Variants in DCDC2 observed in about 807,000 individuals in gnomAD.
DCDC2 encodes doublecortin domain containing 2.
A neutral mutation model predicts 50.2 loss-of-function variants in DCDC2; 40 were observed. That is an observed-to-expected ratio of 0.80 (90% CI 0.62 to 1.04). The LOEUF is 1.04. Among genes scored for constraint, DCDC2 ranks in the 50% least tolerant of loss-of-function variants. DCDC2 has a pLI of 0.00. For synonymous variants in DCDC2, 234 were observed against 210.6 expected (o/e 1.11, Z -0.96); for missense variants, 570 against 581.9 (o/e 0.98, Z 0.21).
chr6:24,299,934 A>G (rs1759335894), intron 4 of DCDC2, among the ~76,000 whole-genome samples: 1 of 152,034 alleles, frequency 6.6e-6, no homozygotes, highest in South Asian at 2.1e-4. Flanking sequence ...AAAAATAAAA[A>G]TAAAAATAAA....
At chr6:24,297,011 A>G (rs1004770305) in intron 4 of DCDC2, among the ~76,000 whole-genome samples, 1 of 152,222 alleles carries the variant, frequency 6.6e-6, no homozygotes, top group Non-Finnish European at 1.5e-5. Context: ...ACCCATGCAC[A>G]CATATGTTCA....
At chr6:24,214,191 A>G (rs990880786) in intron 7 of DCDC2, among the ~76,000 whole-genome samples, 2 of 152,220 alleles carry the variant, frequency 1.3e-5, no homozygotes, top group African/African-American at 2.4e-5. Context: ...ATTTCAGGGT[A>G]TTAAATCTCA....
intron 7 of DCDC2, among the ~76,000 whole-genome samples, chr6:24,220,808 C>T (rs527447357): frequency 1.4e-4 from 11 of 77,876 alleles, no homozygotes; most frequent in Middle Eastern, 7.1e-3. Flanking sequence ...CTTACAATCA[C>T]GGCAGAAAGC....
rs776334137 is a variant in DCDC2 at position 24,173,182 on chromosome 6, A to G, written c.*1548T>C. The G allele has an allele frequency of 1.3e-5, 2 of 151,938 alleles. No individual in the cohort carries two copies. The highest frequency in any genetic ancestry group is 2.9e-5 in the Non-Finnish European group (2 of 67,982). 9.4% of individuals were successfully genotyped at this position (151,938 alleles called of 1,614,324 possible). A position where few individuals can be genotyped will look rare whatever the true frequency, so the allele number is the denominator to read the frequency against. ...TTCTAATTCATGCTCCCAGATCACT[A>G]TATCCTTGTGTCATTATCTCTTCCA... On this transcript the variant is annotated 3_prime_UTR_variant, in exon 10 of 10. Coordinates refer to ENST00000378454, the MANE Select transcript of DCDC2 (RefSeq NM_016356.5).
At chr6:24,193,177 A>G (rs1190250001) in intron 8 of DCDC2, among the ~76,000 whole-genome samples, 1 of 152,124 alleles carries the variant, frequency 6.6e-6, no homozygotes, top group Non-Finnish European at 1.5e-5. Context: ...AAAAAAAAAG[A>G]TATTTTCAGA....
chr6:24,219,294 A>G (rs1210143194), intron 7 of DCDC2, among the ~76,000 whole-genome samples: 1 of 152,210 alleles, frequency 6.6e-6, no homozygotes, highest in Non-Finnish European at 1.5e-5. Flanking sequence ...CTTAGAGGAT[A>G]TTTATTGTAT....
chr6:24,280,488 TCA>T, intron 6 of DCDC2, among the ~76,000 whole-genome samples: 1 of 152,174 alleles, frequency 6.6e-6, no homozygotes, highest in East Asian at 1.9e-4. Context: ...CAGCCAAGTC[TCA>T]TAGTCCCTTT....
At chr6:24,359,034 TTA>T (rs1366173837), upstream of DCDC2, among the ~76,000 whole-genome samples, 3 of 24,318 alleles carry the variant, frequency 1.2e-4, no homozygotes, top group Admixed American at 1.7e-3. Context: ...ATTTTATATT[TTA>T]TATATATTAT....
At chr6:24,265,760 G>A (rs978422767) in intron 7 of DCDC2, among the ~76,000 whole-genome samples, 2 of 151,594 alleles carry the variant, frequency 1.3e-5, no homozygotes, top group African/African-American at 4.8e-5. Flanking sequence ...AGCGAAGGCA[G>A]TACTAAGAGG....
intron 7 of DCDC2, among the ~76,000 whole-genome samples, chr6:24,229,424 A>C (rs1414480166): frequency 6.6e-6 from 1 of 152,156 alleles, no homozygotes; most frequent in African/African-American, 2.4e-5. Flanking sequence ...CACCACAGTA[A>C]TTCAGGATCA....
At chr6:24,277,863 A>G (rs1323053356) in intron 7 of DCDC2, among the ~76,000 whole-genome samples, 186 bp downstream of exon 7, 1 of 152,222 alleles carries the variant, frequency 6.6e-6, no homozygotes. Flanking sequence ...TCCTCATGGC[A>G]CAACATCTAA....
intron 2 of DCDC2, among the ~76,000 whole-genome samples, chr6:24,326,367 C>T (rs1049655870): frequency 6.7e-6 from 1 of 148,660 alleles, no homozygotes; most frequent in Non-Finnish European, 1.5e-5. Context: ...CCCCCCATGC[C>T]CTAGAGCTCC....
intron 7 of DCDC2, among the ~76,000 whole-genome samples, chr6:24,259,057 T>C (rs1186595035): frequency 1.3e-5 from 2 of 152,070 alleles, no homozygotes; most frequent in Non-Finnish European, 2.9e-5. Context: ...TGAACTCCTC[T>C]CCTCTTCCCC....
chr6:24,373,777 C>T, the DCDC2 span, among the ~76,000 whole-genome samples: 467 of 152,126 alleles, frequency 3.1e-3, no homozygotes, highest in African/African-American at 0.011. Flanking sequence ...ATTCCTGTTA[C>T]GTATTATTTA....
the DCDC2 span, among the ~76,000 whole-genome samples, chr6:24,381,460 T>C: frequency 7.4e-4 from 112 of 152,262 alleles, no homozygotes; most frequent in Non-Finnish European, 1.3e-3. Flanking sequence ...GAGACAGAGA[T>C]TGGTTTTTTA....
chr6:24,365,048 T>G, the DCDC2 span, among the ~76,000 whole-genome samples: 1,011 of 152,276 alleles, frequency 6.6e-3, 7 homozygotes, highest in Non-Finnish European at 0.011. Context: ...ACGGTGACTC[T>G]CTGACAAGCC....
intron 2 of DCDC2, among the ~76,000 whole-genome samples, chr6:24,337,934 A>T (rs1760088253): frequency 6.6e-6 from 1 of 152,206 alleles, no homozygotes; most frequent in Admixed American, 6.5e-5. Flanking sequence ...AAAAAATTTT[A>T]AAACCCTTCA....
At position 24,220,895 on chromosome 6, in the gene DCDC2, C is replaced by CGAGCGAGCGAGAGAGT. The variant is rs1297113195; in HGVS notation, c.923-15809_923-15794dup. 1.7e-3 allele frequency among the ~76,000 whole-genome samples: 197 copies of CGAGCGAGCGAGAGAGT among 117,208 alleles called. 6 individuals carry two copies. In the East Asian group the frequency reaches 0.037, roughly 22 times the overall value. 76.9% of individuals were successfully genotyped at this position (117,208 alleles called of 152,430 possible). ...AAGAGAGCGAGAGCGAGAGAGTGAG[C>CGAGCGAGCGAGAGAGT]GAGCGAGCGAGAGAGTGAGCGAGCG... is the stretch of plus-strand genomic sequence containing the variant. On this transcript the variant is annotated intron_variant, in intron 7 of 9. Transcript: ENST00000378454.
intron 7 of DCDC2, among the ~76,000 whole-genome samples, chr6:24,237,115 T>C (rs1413259009): frequency 6.6e-6 from 1 of 151,558 alleles, no homozygotes; most frequent in Non-Finnish European, 1.5e-5. Flanking sequence ...TCACTAATCA[T>C]TAGAGAAATG....
Sources: allele counts gnomAD v4.1 joint callset (sites outside exome capture counted in the v4.1 genomes callset), GRCh38; gene constraint gnomAD v4.1.1; transcripts MANE v1.5; gene names NCBI Gene and HGNC (gene_info 2026-07-23, HGNC 2026-07-21).